LRP4: variants seen among roughly 807,000 people sequenced by gnomAD.
The protein encoded by LRP4 is low-density lipoprotein receptor-related protein 4.
A neutral mutation model predicts 220.3 loss-of-function variants in LRP4; 95 were observed. The observed-to-expected ratio is 0.43, with a 90% confidence interval of 0.37 to 0.51. The LOEUF (loss-of-function observed/expected upper bound fraction) is 0.51. LRP4 is among the 20% of genes least tolerant of loss of function. The probability of loss-of-function intolerance (pLI) is 0.00; values close to 1 mark genes in which losing one functional copy is unlikely to be tolerated. For missense variants in LRP4, 1,925 were observed against 2,567.0 expected, an observed-to-expected ratio of 0.75 and a Z score of 5.40; for synonymous variants, 903 against 954.6, an observed-to-expected ratio of 0.95 and a Z score of 1.00.
Position 46,890,439 on chromosome 11 carries a change from C to T in LRP4, c.1753G>A (p.Asp585Asn), listed in dbSNP as rs1941397388. ...GCAATGATGCGGCGTCCAGAGCCAT[C>T]CATGCTGGAGGCCTCAATACGGGGG... ...NTPRIEASSM[D>N]GSGRRIIADT... The change falls in exon 14 of 38, where the codon GAT (aspartate) becomes AAT (asparagine). Residue 585 changes from aspartate to asparagine, a missense_variant. Around this residue, in one of 3 missense-constraint regions of LRP4, gnomAD observed 269 missense variants for 436.7 expected, o/e 0.62. Coordinates refer to ENST00000378623, the MANE Select transcript of LRP4 (RefSeq NM_002334.4). The surrounding 1 kb of genome is among the most constrained non-coding windows in gnomAD (Gnocchi z 5.3). 4.3e-6 allele frequency: 7 copies of T among 1,613,978 alleles called. No individual in the cohort carries two copies. The highest frequency in any genetic ancestry group is 5.9e-6 in the Non-Finnish European group (7 of 1,180,024).
intron 37 of LRP4, among the ~76,000 whole-genome samples, chr11:46,862,074 A>G (rs2134758448): frequency 6.6e-6 from 1 of 150,868 alleles, no homozygotes; most frequent in Admixed American, 6.6e-5. Flanking sequence ...GTCTCAAAAA[A>G]AAAAAAAAAA....
chr11:46,893,629 C>T (rs1307173965), intron 12 of LRP4, among the ~76,000 whole-genome samples: 1 of 152,180 alleles, frequency 6.6e-6, no homozygotes, highest in African/African-American at 2.4e-5. Context: ...GATGGAGTCT[C>T]ACTCCCATTG....
rs1178482399 is a variant in LRP4, at chr11:46,887,601, G to A, written c.2216-1068C>T. On this transcript the variant is annotated intron_variant, in intron 16 of 37. Coordinates refer to ENST00000378623, the MANE Select transcript of LRP4 (RefSeq NM_002334.4). The stretch of plus-strand genomic sequence containing the variant: ...TAATCCCAGCACTTTGGGAGGCTGA[G>A]GTGGATAGATCACGAGATCAGGAGT... 9.9e-5 allele frequency among the ~76,000 whole-genome samples: 15 copies of A among 152,058 alleles called. No individual in the cohort carries two copies. In the East Asian group the frequency reaches 2.9e-3, roughly 29 times the overall value.
intron 34 of LRP4, 36 bp from the exon 35 acceptor site, chr11:46,865,222 C>A: frequency 6.8e-7 from 1 of 1,473,272 alleles, no homozygotes; most frequent in Non-Finnish European, 9.3e-7. Context: ...GAAGCCTACT[C>A]ATACTCAGTG....
In LRP4 at chr11:46,859,001, G is replaced by T. The variant is rs1565771501; in HGVS notation, c.5700C>A (p.Ser1900=). ...DTGWKHERKL[S]SESQV Reference sequence around the variant, plus strand: ...TGGGCATTTAGACCTGGCTCTCTGAGGAGAGCTTGCGTTCATGTTTCCAGC... The same window carrying T: ...TGGGCATTTAGACCTGGCTCTCTGATGAGAGCTTGCGTTCATGTTTCCAGC... The change falls in exon 38 of 38, where the codon TCC becomes TCA. Residue 1900 remains serine (S), a synonymous_variant. Transcript: ENST00000378623. 8 of 1,613,932 alleles carry T rather than the reference G, an allele frequency of 5.0e-6. No homozygotes were observed. Among genetic ancestry groups the T allele is most frequent in the Non-Finnish European group, 6.8e-6 (8 of 1,179,980 alleles).
rs1940912575 is a variant in LRP4 at position 46,873,069 on chromosome 11, T to TCC, written c.4583+29_4583+30dup. The stretch of plus-strand genomic sequence containing the variant: ...CATTCTCTCTTCTGCCCACCCGATT[T>TCC]CCAGGAGGCTGTTTGATGCAAGACT... On this transcript the variant is annotated intron_variant, in intron 30 of 37. Transcript: ENST00000378623. This position sits in a 1 kb window ranked among gnomAD's most constrained non-coding sequence, Gnocchi z 4.2. 1 of 1,614,070 alleles carries TCC rather than the reference T, an allele frequency of 6.2e-7. No individual in the cohort carries two copies. The highest frequency in any genetic ancestry group is 8.5e-7 in the Non-Finnish European group (1 of 1,180,030).
intron 7 of LRP4, 102 bp from the exon 8 acceptor site, chr11:46,897,096 G>C (rs372767172): frequency 6.9e-7 from 1 of 1,453,876 alleles, no homozygotes; most frequent in African/African-American, 1.4e-5. Context: ...TGCCACTCTT[G>C]ACACCGGGAT....
At chr11:46,869,240 C>T (rs1232836692) in intron 31 of LRP4, 108 bp from the exon 32 acceptor site, 1 of 979,584 alleles carries the variant, frequency 1.0e-6, no homozygotes, top group East Asian at 2.6e-5. Context: ...CTGAAATGCC[C>T]TCTTCATCTC....
At position 46,886,578 on chromosome 11, in the gene LRP4, A is replaced by C. The variant is rs749516560; in HGVS notation, c.2216-45T>G. 4.7e-5 allele frequency: 71 copies of C among 1,512,446 alleles called. No homozygotes were observed. In the Middle Eastern group the frequency reaches 2.0e-3, roughly 44 times the overall value. The allele number at this position is 1,512,446 out of a possible 1,614,324, so 93.7% of individuals were successfully genotyped here. A position where few individuals can be genotyped will look rare whatever the true frequency, so the allele number is the denominator to read the frequency against. ...GGTCTTCTTTTAATGCTCTAAATCCAAGAACAGTGACAGACACAGACGCTC... is the reference window on the plus strand; with the variant it reads ...GGTCTTCTTTTAATGCTCTAAATCCCAGAACAGTGACAGACACAGACGCTC... On this transcript the variant is annotated intron_variant, in intron 16 of 37. Transcript: ENST00000378623.
Position 46,859,435 on chromosome 11 carries a change from A to G in LRP4, c.5386-120T>C, listed in dbSNP as rs1244535475. On this transcript the variant is annotated intron_variant, in intron 37 of 37. Coordinates refer to ENST00000378623, the MANE Select transcript of LRP4 (RefSeq NM_002334.4). ...GGAGTGAAGCGCACAAAAATCCCAC[A>G]AACAAATGGGGAAATGTGATTAAGA... The G allele has an allele frequency of 5.2e-6, 4 of 765,710 alleles. No homozygotes were observed. The African/African-American group carries it at 6.8e-5, about 13-fold the overall frequency. The allele number at this position is 765,710 out of a possible 1,614,324, so 47.4% of individuals were successfully genotyped here.
chr11:46,885,506 G>A (rs1415301569), intron 18 of LRP4, among the ~76,000 whole-genome samples: 1 of 152,120 alleles, frequency 6.6e-6, no homozygotes, highest in Non-Finnish European at 1.5e-5. Flanking sequence ...AGGCGCGGTG[G>A]CTCACACCTG....
At chr11:46,905,695 T>C (rs1941748133) in intron 1 of LRP4, among the ~76,000 whole-genome samples, 1 of 151,538 alleles carries the variant, frequency 6.6e-6, no homozygotes, top group African/African-American at 2.4e-5. Context: ...CTACTAAAAA[T>C]ACAAAAATGA....
Position 46,899,728 on chromosome 11 carries a change from C to T in LRP4, c.430+135G>A. On this transcript the variant is annotated intron_variant, in intron 4 of 37. Transcript: ENST00000378623. The surrounding 1 kb of genome is among the most constrained non-coding windows in gnomAD (Gnocchi z 5.9). ...GGGGGTCTGAGCGGCTCTGCCCCCT[C>T]TGCGTTCCTCTAGCTGCTCCAGATA... 1.2e-6 allele frequency: 1 copy of T among 859,686 alleles called. No homozygotes were observed. The highest frequency in any genetic ancestry group is 1.8e-5 in the Admixed American group (1 of 56,356). 53.3% of individuals were successfully genotyped at this position (859,686 alleles called of 1,614,324 possible). A position where few individuals can be genotyped will look rare whatever the true frequency, so the allele number is the denominator to read the frequency against.
At chr11:46,886,626 T>C in intron 16 of LRP4, 93 bp from the exon 17 acceptor site, 1 of 1,070,176 alleles carries the variant, frequency 9.3e-7, no homozygotes, top group Non-Finnish European at 1.4e-6. Context: ...TCTGGTTCAA[T>C]CACACTTCCT....
rs1240394296 is a variant in LRP4, at chr11:46,918,305, C to T, written c.52+23G>A. On this transcript the variant is annotated intron_variant, in intron 1 of 37. Transcript: ENST00000378623. This position sits in a 1 kb window ranked among gnomAD's most constrained non-coding sequence, Gnocchi z 6.0. ...TGCAGCGGCCGGACCCAGGGACAAA[C>T]TTTCCCGGCGGGCGCCGCTTACCGT... The T allele has an allele frequency of 2.0e-6, 3 of 1,509,950 alleles. No homozygotes were observed. Among genetic ancestry groups the T allele is most frequent in the Non-Finnish European group, 8.8e-7 (1 of 1,135,144 alleles). The allele number at this position is 1,509,950 out of a possible 1,614,324, so 93.5% of individuals were successfully genotyped here. A position where few individuals can be genotyped will look rare whatever the true frequency, so the allele number is the denominator to read the frequency against.
chr11:46,881,695 C>G lies in LRP4; in HGVS notation c.2814+7G>C. The stretch of plus-strand genomic sequence containing the variant: ...CACCCTTACCTTCCTCTTACTGCCA[C>G]CCTTACCTTCCTCTTACTGCCATCC... On this transcript the variant is annotated splice_region_variant and intron_variant, in intron 20 of 37. Coordinates refer to ENST00000378623, the MANE Select transcript of LRP4 (RefSeq NM_002334.4). The G allele has an allele frequency of 6.2e-7, 1 of 1,610,826 alleles. No individual in the cohort carries two copies. Among genetic ancestry groups the G allele is most frequent in the South Asian group, 1.1e-5 (1 of 90,990 alleles).
chr11:46,887,282 A>G (rs1357053926), intron 16 of LRP4, among the ~76,000 whole-genome samples: 1 of 152,228 alleles, frequency 6.6e-6, no homozygotes, highest in Non-Finnish European at 1.5e-5. Flanking sequence ...CTTCCTGACT[A>G]ATGTTGCCAA....
intron 7 of LRP4, among the ~76,000 whole-genome samples, chr11:46,897,648 T>C (rs1196564990): frequency 6.6e-6 from 1 of 151,480 alleles, no homozygotes; most frequent in African/African-American, 2.4e-5. Context: ...CATTTAACCC[T>C]GAGTGGACAC....
In LRP4 at chr11:46,896,885, C is replaced by G; in HGVS notation, c.906G>C (p.Glu302Asp). Residue 302 changes from glutamate (E) to aspartate (D), a missense_variant, in exon 8 of 38, where the codon GAG (glutamate) becomes GAC (aspartate). Glu to Asp is a conservative substitution (Grantham distance 45). This residue lies in a region of LRP4 where 412 missense variants were observed against 505.4 expected (regional missense o/e 0.82). Transcript: ENST00000378623. ...EDDCADNSDE[E>D]NCENTGSPQC... ...AGACACCACCTGTATTCTCACAGTT[C>G]TCTTCATCGCTGTTGTCTGCACAGT... 1 of 1,614,210 alleles carries G rather than the reference C, an allele frequency of 6.2e-7. No homozygotes were observed. The highest frequency in any genetic ancestry group is 8.5e-7 in the Non-Finnish European group (1 of 1,180,018).
Sources: allele counts gnomAD v4.1 joint callset (sites outside exome capture counted in the v4.1 genomes callset), GRCh38; gene constraint gnomAD v4.1.1; regional missense constraint gnomAD v4.1.1; non-coding constraint Gnocchi (gnomAD v3.1); transcripts MANE v1.5; gene names NCBI Gene and HGNC (gene_info 2026-07-23, HGNC 2026-07-21).